Variants in PRKCE observed in about 807,000 individuals in gnomAD.
The protein encoded by PRKCE is protein kinase C epsilon, also known as protein kinase C epsilon type.
A neutral mutation model predicts 85.4 loss-of-function variants in PRKCE; 16 were observed. That is an observed-to-expected ratio of 0.19 (90% CI 0.13 to 0.28). The LOEUF is 0.28. PRKCE is among the 10% of genes least tolerant of loss of function. The probability of loss-of-function intolerance (pLI) is 1.00; values close to 1 mark genes in which losing one functional copy is unlikely to be tolerated. For missense variants in PRKCE, 573 were observed against 975.2 expected (o/e 0.59, Z 5.49); for synonymous variants, 388 against 371.5 (o/e 1.04, Z -0.51).
At chr2:46,121,416 T>C in intron 11 of PRKCE, among the ~76,000 whole-genome samples, 1 of 152,220 alleles carries the variant, frequency 6.6e-6, no homozygotes, top group East Asian at 1.9e-4. Flanking sequence ...CACTGAGAGA[T>C]GTCCCCTGGT....
intron 1 of PRKCE, among the ~76,000 whole-genome samples, chr2:45,757,833 G>T (rs1684134097): frequency 6.6e-6 from 1 of 152,150 alleles, no homozygotes; most frequent in Non-Finnish European, 1.5e-5. Flanking sequence ...GCTTAGGATG[G>T]CAGGGGAGGA....
intron 1 of PRKCE, among the ~76,000 whole-genome samples, chr2:45,835,624 G>A (rs1427497899): frequency 6.7e-6 from 1 of 148,286 alleles, no homozygotes; most frequent in African/African-American, 2.5e-5. Flanking sequence ...TAAGAGACAG[G>A]ATCTCACCTA....
chr2:45,771,278 A>G (rs1426187582), intron 1 of PRKCE, among the ~76,000 whole-genome samples: 1 of 152,208 alleles, frequency 6.6e-6, no homozygotes, highest in African/African-American at 2.4e-5. Flanking sequence ...AGTGAAAAGG[A>G]GCGAGCAGCA....
chr2:45,745,990 C>G (rs1683104642), intron 1 of PRKCE, among the ~76,000 whole-genome samples: 1 of 152,152 alleles, frequency 6.6e-6, no homozygotes, highest in East Asian at 1.9e-4. Context: ...TGTAAATTAG[C>G]TTGTTAATTA....
chr2:45,935,372 GC>G (rs1187873064), intron 2 of PRKCE, among the ~76,000 whole-genome samples: 1 of 152,104 alleles, frequency 6.6e-6, no homozygotes, highest in Non-Finnish European at 1.5e-5. Flanking sequence ...CTCAGAGCCG[GC>G]CTCAAGCTAA....
chr2:46,064,905 G>A (rs950013835), intron 10 of PRKCE, among the ~76,000 whole-genome samples: 2 of 152,202 alleles, frequency 1.3e-5, no homozygotes, highest in African/African-American at 2.4e-5. Context: ...TGGGAAAGGG[G>A]AGGCCCCATT....
At chr2:45,659,689 C>T (rs1186780304) in intron 1 of PRKCE, among the ~76,000 whole-genome samples, 1 of 152,188 alleles carries the variant, frequency 6.6e-6, no homozygotes, top group East Asian at 1.9e-4. Context: ...TTTACCCTTG[C>T]CATCCCATTT....
chr2:46,021,774 G>A (rs895187703), intron 10 of PRKCE, among the ~76,000 whole-genome samples: 2 of 152,272 alleles, frequency 1.3e-5, no homozygotes, highest in East Asian at 1.9e-4. Flanking sequence ...CATGGCTGAC[G>A]TCAGATTCTC....
intron 1 of PRKCE, among the ~76,000 whole-genome samples, chr2:45,803,327 A>AT (rs1478691264): frequency 2.0e-5 from 3 of 152,162 alleles, no homozygotes; most frequent in Non-Finnish European, 4.4e-5. Context: ...TAGAATAAAG[A>AT]TTTTGGGTAA....
chr2:45,742,689 G>A (rs1682679489), intron 1 of PRKCE, among the ~76,000 whole-genome samples: 1 of 152,168 alleles, frequency 6.6e-6, no homozygotes, highest in Admixed American at 6.5e-5. Context: ...TTACATTGTT[G>A]GTGATAATGT....
At chr2:45,736,571 G>A (rs928423441) in intron 1 of PRKCE, among the ~76,000 whole-genome samples, 2 of 152,178 alleles carry the variant, frequency 1.3e-5, no homozygotes, top group African/African-American at 2.4e-5. Flanking sequence ...TCTACTCCTC[G>A]CTCTGACTTC....
At chr2:45,820,010 C>G (rs945549277) in intron 1 of PRKCE, among the ~76,000 whole-genome samples, 1 of 152,120 alleles carries the variant, frequency 6.6e-6, no homozygotes, top group Non-Finnish European at 1.5e-5. Context: ...GGAGTAATCA[C>G]TGCTGTGGGG....
Position 45,800,131 on chromosome 2 carries a change from T to A in PRKCE, c.349-42869T>A, listed in dbSNP as rs192675641. On this transcript the variant is annotated intron_variant, in intron 1 of 14. Coordinates refer to ENST00000306156, the MANE Select transcript of PRKCE (RefSeq NM_005400.3). The stretch of plus-strand genomic sequence containing the variant: ...ATATAGTTGCAGGGTAGGGTAGTGG[T>A]GGCGCAGGAGTGCCCAGCGGCTGGA... Among the ~76,000 whole-genome samples the A allele has an allele frequency of 1.9e-3, 287 of 152,294 alleles. 4 individuals carry two copies. Among genetic ancestry groups the A allele is most frequent in the Non-Finnish European group, 4.7e-4 (32 of 68,020 alleles).
chr2:46,053,021 T>C (rs529630366), intron 10 of PRKCE, among the ~76,000 whole-genome samples: 2 of 152,318 alleles, frequency 1.3e-5, no homozygotes, highest in Admixed American at 1.3e-4. Flanking sequence ...CCCAACTGCC[T>C]GTGAACTTAC....
chr2:46,095,022 C>T (rs1006555952), intron 11 of PRKCE, among the ~76,000 whole-genome samples: 2 of 152,160 alleles, frequency 1.3e-5, no homozygotes, highest in African/African-American at 4.8e-5. Context: ...ATTGCACTCG[C>T]CCGGCATAGA....
rs2104223368 is a variant in PRKCE at position 45,700,565 on chromosome 2, C to T, written c.348+48117C>T. 2 of 152,202 alleles carry T rather than the reference C, an allele frequency of 1.3e-5. 1 individual carries two copies. Among genetic ancestry groups the T allele is most frequent in the South Asian group, 4.1e-4 (2 of 4,824 alleles). 9.4% of individuals were successfully genotyped at this position (152,202 alleles called of 1,614,324 possible). A position where few individuals can be genotyped will look rare whatever the true frequency, so the allele number is the denominator to read the frequency against. On this transcript the variant is annotated intron_variant, in intron 1 of 14. Coordinates refer to ENST00000306156, the MANE Select transcript of PRKCE (RefSeq NM_005400.3). ...TATTCAAGTCTGTGCTTCTGCTTGA[C>T]TGAGGATCATCTAGGAAATGAAACT...
At chr2:46,144,412 G>A (rs990985301) in intron 11 of PRKCE, among the ~76,000 whole-genome samples, 1 of 152,136 alleles carries the variant, frequency 6.6e-6, no homozygotes, top group African/African-American at 2.4e-5. Context: ...AAACATTCCT[G>A]TCTTGCTTCA....
At chr2:45,885,002 T>TATATATATATATA (rs1553440407) in intron 2 of PRKCE, among the ~76,000 whole-genome samples, 1 of 97,642 alleles carries the variant, frequency 1.0e-5, no homozygotes, top group Admixed American at 1.2e-4. Context: ...TATATATATA[T>TATATATATATATA]TTGTTGTTGT....
intron 10 of PRKCE, among the ~76,000 whole-genome samples, chr2:46,048,088 A>G (rs992994029): frequency 1.3e-5 from 2 of 149,418 alleles, no homozygotes; most frequent in Non-Finnish European, 1.5e-5. Context: ...GGACTCCACA[A>G]ATGAGCCTGC....
Sources: gnomAD v4.1 joint callset for allele counts (sites outside exome capture counted in the v4.1 genomes callset) on GRCh38, gnomAD v4.1.1 for gene constraint, MANE v1.5 for transcripts, NCBI Gene and HGNC (gene_info 2026-07-23, HGNC 2026-07-21) for gene names.